The following PTK7 variants were observed in gnomAD, a reference collection of about 807,000 sequenced individuals.
PTK7 encodes protein tyrosine kinase 7 (inactive).
In PTK7, 39 loss-of-function variants were observed where a neutral mutation model predicts 116.6. The ratio of observed to expected loss-of-function variants is 0.33; its 90% CI spans 0.26 to 0.44. The LOEUF is 0.44. Ranked by LOEUF, PTK7 falls within the 20% of genes least tolerant of loss-of-function variation. PTK7 has a pLI of 1.00. For synonymous variants in PTK7, 546 were observed against 563.6 expected, an observed-to-expected ratio of 0.97 and a Z score of 0.44; for missense variants, 1,169 against 1,425.6, an observed-to-expected ratio of 0.82 and a Z score of 2.90.
chr6:43,157,366 T>TA (rs1771552141), intron 17 of PTK7, among the ~76,000 whole-genome samples: 2 of 55,600 alleles, frequency 3.6e-5, no homozygotes, highest in African/African-American at 1.4e-4. Flanking sequence ...ATATATATAT[T>TA]TTTTTTTTTC....
intron 10 of PTK7, among the ~76,000 whole-genome samples, chr6:43,140,080 C>T (rs1404070088): frequency 2.0e-5 from 3 of 152,060 alleles, no homozygotes; most frequent in African/African-American, 4.8e-5. Flanking sequence ...TGCCATTGCA[C>T]CAGAGTCTGG....
intron 1 of PTK7, among the ~76,000 whole-genome samples, chr6:43,108,704 G>A (rs1768034776): frequency 6.6e-6 from 1 of 152,194 alleles, no homozygotes; most frequent in Non-Finnish European, 1.5e-5. Context: ...GCCCAGACTT[G>A]TTAAACTTTT....
At chr6:43,099,103 C>G (rs889900680) in intron 1 of PTK7, among the ~76,000 whole-genome samples, 65 of 148,940 alleles carry the variant, frequency 4.4e-4, no homozygotes, top group African/African-American at 1.6e-3. Context: ...CATTTAGGAT[C>G]CAGTACTTAA....
intron 1 of PTK7, among the ~76,000 whole-genome samples, chr6:43,116,656 GCGCACGCA>G (rs879471153): frequency 7.8e-6 from 1 of 127,724 alleles, no homozygotes; most frequent in South Asian, 2.5e-4. Context: ...GTGTGTGCGC[GCGCACGCA>G]CGCACGCATA....
chr6:43,093,854 T>C (rs369657436), intron 1 of PTK7, among the ~76,000 whole-genome samples: 2 of 152,296 alleles, frequency 1.3e-5, no homozygotes, highest in East Asian at 3.9e-4. Flanking sequence ...AGCAGCGGCT[T>C]AAGGGCTGGG....
intron 1 of PTK7, among the ~76,000 whole-genome samples, chr6:43,091,407 TC>T (rs1312994988): frequency 5.9e-5 from 9 of 152,134 alleles, no homozygotes; most frequent in Admixed American, 5.9e-4. Flanking sequence ...CCTCAGGTGA[TC>T]CACCCACCTC....
chr6:43,149,380 A>G (rs1409826873), intron 17 of PTK7, among the ~76,000 whole-genome samples: 1 of 152,204 alleles, frequency 6.6e-6, no homozygotes, highest in Non-Finnish European at 1.5e-5. Context: ...CTCAAAAGAA[A>G]AAAAAAAGAT....
rs747558500 is a variant in PTK7, at chr6:43,129,119, C to A, written c.222C>A (p.Asp74Glu). The A allele has an allele frequency of 2.5e-6, 4 of 1,614,078 alleles. No homozygotes were observed. The highest frequency in any genetic ancestry group is 3.4e-6 in the Non-Finnish European group (4 of 1,180,050). ...YWLLDGAPVQDTERRFAQGSS... is the reference protein window; with the variant it reads ...YWLLDGAPVQETERRFAQGSS... ...TGCTCGATGGGGCCCCTGTCCAGGA[C>A]ACGGAGCGGCGTTTCGCCCAGGGCA... The change falls in exon 2 of 20, where the codon GAC becomes GAA. Residue 74 changes from aspartate to glutamate, a missense_variant. This residue lies in a region of PTK7 where 487 missense variants were observed against 549.8 expected (regional missense o/e 0.89). Transcript: ENST00000230419. This position sits in a 1 kb window ranked among gnomAD's most constrained non-coding sequence, Gnocchi z 4.5.
intron 1 of PTK7, among the ~76,000 whole-genome samples, chr6:43,104,996 A>G (rs13208874): frequency 0.018 from 2,689 of 151,580 alleles, 37 homozygotes; most frequent in Non-Finnish European, 0.028. Context: ...TATTTTTAGT[A>G]GAGACGGTGT....
intron 13 of PTK7, chr6:43,142,524 G>T (rs532898609): frequency 7.2e-6 from 5 of 698,044 alleles, no homozygotes; most frequent in Non-Finnish European, 7.5e-6. Flanking sequence ...TGTGTGTTGT[G>T]GGGGAGTGGG....
At chr6:43,130,025 T>C (rs887810218) in intron 3 of PTK7, among the ~76,000 whole-genome samples, 196 bp downstream of exon 3, 4 of 152,164 alleles carry the variant, frequency 2.6e-5, no homozygotes, top group Admixed American at 2.6e-4. Context: ...AGCCACATTG[T>C]GTGTAGAGCT....
intron 1 of PTK7, among the ~76,000 whole-genome samples, chr6:43,077,571 G>T (rs1561926352): frequency 6.6e-6 from 1 of 152,072 alleles, no homozygotes; most frequent in Non-Finnish European, 1.5e-5. Flanking sequence ...TTACAGGAAA[G>T]CACCAAGCCA....
chr6:43,076,711 G>T lies in PTK7; in HGVS notation c.79+144G>T, dbSNP rs1766034651. 7.3e-7 allele frequency: 1 copy of T among 1,377,708 alleles called. No individual in the cohort carries two copies. Among genetic ancestry groups the T allele is most frequent in the African/African-American group, 1.5e-5 (1 of 66,952 alleles). 85.3% of individuals were successfully genotyped at this position (1,377,708 alleles called of 1,614,324 possible). A position where few individuals can be genotyped will look rare whatever the true frequency, so the allele number is the denominator to read the frequency against. ...CTCGCTGGGGGTGCAGGCTTGCGGCGGAAGGGCGCAAGGAGCCCGGGTGTC... is the reference window on the plus strand; with the variant it reads ...CTCGCTGGGGGTGCAGGCTTGCGGCTGAAGGGCGCAAGGAGCCCGGGTGTC... On this transcript the variant is annotated intron_variant, in intron 1 of 19. Transcript: ENST00000230419. The surrounding 1 kb of genome is among the most constrained non-coding windows in gnomAD (Gnocchi z 5.7).
chr6:43,110,424 GT>G (rs1374028127), intron 1 of PTK7, among the ~76,000 whole-genome samples: 2 of 150,194 alleles, frequency 1.3e-5, no homozygotes, highest in African/African-American at 4.9e-5. Flanking sequence ...TTTTGTTTTT[GT>G]TTTTGAGATG....
chr6:43,136,413 G>A (rs1433455931), intron 7 of PTK7, among the ~76,000 whole-genome samples: 1 of 152,138 alleles, frequency 6.6e-6, no homozygotes, highest in East Asian at 1.9e-4. Context: ...CTGTGGACAG[G>A]TTCAGGTGGG....
chr6:43,089,799 C>A (rs774297342), intron 1 of PTK7, among the ~76,000 whole-genome samples: 1 of 152,156 alleles, frequency 6.6e-6, no homozygotes, highest in Non-Finnish European at 1.5e-5. Flanking sequence ...TCCTATCCCC[C>A]CTCCCCTTTA....
intron 6 of PTK7, 85 bp from the exon 7 acceptor site, chr6:43,132,336 A>G (rs1014366138): frequency 6.6e-7 from 1 of 1,511,296 alleles, no homozygotes; most frequent in Non-Finnish European, 8.9e-7. Context: ...TGTGCTGGGA[A>G]AGGGCCTAGG....
intron 17 of PTK7, among the ~76,000 whole-genome samples, chr6:43,155,442 A>C (rs1012097336): frequency 5.3e-5 from 8 of 152,054 alleles, no homozygotes; most frequent in African/African-American, 2.4e-5. Context: ...GGGGTTCGAG[A>C]CCAGCCTGGC....
chr6:43,087,840 C>T (rs930409795), intron 1 of PTK7, among the ~76,000 whole-genome samples: 3 of 152,144 alleles, frequency 2.0e-5, no homozygotes, highest in Admixed American at 6.5e-5. Flanking sequence ...GTCTCTAGTG[C>T]GTGGGCACAG....
Sources: gnomAD v4.1 joint callset for allele counts (sites outside exome capture counted in the v4.1 genomes callset) on GRCh38, gnomAD v4.1.1 for gene constraint, gnomAD v4.1.1 regional missense constraint, Gnocchi (gnomAD v3.1) non-coding constraint, MANE v1.5 for transcripts, NCBI Gene and HGNC (gene_info 2026-07-23, HGNC 2026-07-21) for gene names.